JPT1: variants seen among roughly 807,000 people sequenced by gnomAD.
JPT1 encodes the protein Jupiter microtubule associated homolog 1.
JPT1 carries 5 observed loss-of-function variants against 17.0 expected under a neutral mutation model. That is an observed-to-expected ratio of 0.29 (90% CI 0.15 to 0.62). JPT1 has a LOEUF of 0.62. Among genes scored for constraint, JPT1 ranks in the 20% least tolerant of loss-of-function variants. The pLI, the probability that JPT1 is intolerant of heterozygous loss-of-function variation, is 0.85. For synonymous variants in JPT1, 71 were observed against 73.6 expected (o/e 0.96, Z 0.18); for missense variants, 158 against 188.1 (o/e 0.84, Z 0.94).
chr17:75,144,094 G>A (rs1360107400), intron 4 of JPT1, among the ~76,000 whole-genome samples: 2 of 152,110 alleles, frequency 1.3e-5, no homozygotes, highest in African/African-American at 2.4e-5. Flanking sequence ...ACAGGAAGGT[G>A]CAACAACTCA....
rs561359756 is a variant in JPT1 at position 75,154,472 on chromosome 17, T to C, written c.-75A>G. 2.8e-5 allele frequency: 39 copies of C among 1,394,088 alleles called. No individual in the cohort carries two copies. The African/African-American group carries it at 4.4e-4, about 16-fold the overall frequency. The allele number at this position is 1,394,088 out of a possible 1,614,324, so 86.4% of individuals were successfully genotyped here. On this transcript the variant is annotated 5_prime_UTR_variant, in exon 1 of 5. Coordinates refer to ENST00000409753, the MANE Select transcript of JPT1 (RefSeq NM_016185.4). ...TCGGACCCGAGGGGCGCTGGGAAACTCCACACCCAACAGCCGACCACCGCT... is the reference window on the plus strand; with the variant it reads ...TCGGACCCGAGGGGCGCTGGGAAACCCCACACCCAACAGCCGACCACCGCT...
At chr17:75,144,563 A>C (rs1264388309) in intron 4 of JPT1, among the ~76,000 whole-genome samples, 1 of 152,158 alleles carries the variant, frequency 6.6e-6, no homozygotes, top group Non-Finnish European at 1.5e-5. Context: ...CTGTAAACAT[A>C]AGTGTTTCCC....
chr17:75,147,723 G>T (rs1210971507), intron 2 of JPT1, 70 bp from the exon 3 acceptor site: 4 of 1,248,750 alleles, frequency 3.2e-6, no homozygotes, highest in Admixed American at 3.5e-5. Flanking sequence ...TTCAGGCTGG[G>T]CACGGTGGCT....
At chr17:75,147,999 C>CT (rs2074474382) in intron 2 of JPT1, 1 of 243,302 alleles carries the variant, frequency 4.1e-6, no homozygotes, top group South Asian at 8.1e-5. Context: ...GAATGAGACT[C>CT]TTATCTCAAA....
intron 4 of JPT1, chr17:75,138,496 C>T (rs1279124278): frequency 6.6e-6 from 1 of 151,812 alleles, no homozygotes; most frequent in African/African-American, 2.4e-5. Flanking sequence ...ACAACCTCCG[C>T]CTCCCAGGCT....
At chr17:75,153,166 T>C (rs2074580201) in intron 1 of JPT1, 1 of 152,120 alleles carries the variant, frequency 6.6e-6, no homozygotes, top group African/African-American at 2.4e-5. Flanking sequence ...AAAAAAGTGA[T>C]TTAAGCTTCT....
intron 4 of JPT1, 180 bp downstream of exon 4, chr17:75,146,486 T>C: frequency 1.9e-6 from 1 of 521,336 alleles, no homozygotes; most frequent in Non-Finnish European, 3.5e-6. Flanking sequence ...CTCTGTTTTT[T>C]CCCTTCTATT....
intron 4 of JPT1, among the ~76,000 whole-genome samples, chr17:75,144,463 G>A (rs1227321648): frequency 6.6e-6 from 1 of 152,124 alleles, no homozygotes; most frequent in African/African-American, 2.4e-5. Context: ...AGTGAGCTGT[G>A]AGGGTGACAC....
intron 4 of JPT1, among the ~76,000 whole-genome samples, chr17:75,146,088 G>A (rs1332237779): frequency 1.3e-5 from 2 of 151,870 alleles, no homozygotes; most frequent in African/African-American, 4.8e-5. Flanking sequence ...AAAAAAAAAA[G>A]CTCTCATTAA....
Position 75,149,338 on chromosome 17 carries a change from G to C in JPT1, c.57-667C>G, listed in dbSNP as rs532992204. ...CCGCTGAACTCCAGCCTGTGTGACA[G>C]AGCAAGACTCTGTCTCAAAATGTAA... is the stretch of plus-strand genomic sequence containing the variant. On this transcript the variant is annotated intron_variant, in intron 1 of 4. Transcript: ENST00000409753. Among the ~76,000 whole-genome samples the C allele has an allele frequency of 2.6e-5, 4 of 152,300 alleles. No homozygotes were observed. In the South Asian group the frequency reaches 8.3e-4, roughly 32 times the overall value.
chr17:75,154,475 A>G lies in JPT1; in HGVS notation c.-78T>C, dbSNP rs1244828524. On this transcript the variant is annotated 5_prime_UTR_variant, in exon 1 of 5. Transcript: ENST00000409753. ...GACCCGAGGGGCGCTGGGAAACTCC[A>G]CACCCAACAGCCGACCACCGCTGCA... is the stretch of plus-strand genomic sequence containing the variant. 7 of 1,365,324 alleles carry G rather than the reference A, an allele frequency of 5.1e-6. No individual in the cohort carries two copies. The highest frequency in any genetic ancestry group is 2.1e-5 in the Admixed American group (1 of 48,132). 84.6% of individuals were successfully genotyped at this position (1,365,324 alleles called of 1,614,324 possible).
At chr17:75,147,709 A>C in intron 2 of JPT1, 56 bp from the exon 3 acceptor site, 2 of 1,416,634 alleles carry the variant, frequency 1.4e-6, no homozygotes, top group Non-Finnish European at 2.0e-6. Context: ...CTAAAGCAAA[A>C]CACTTCAGGC....
intron 1 of JPT1, chr17:75,149,055 C>A: frequency 7.8e-7 from 1 of 1,279,794 alleles, no homozygotes; most frequent in South Asian, 1.3e-5. Context: ...TGTTATTATT[C>A]ATTTAAAAAT....
chr17:75,147,084 T>C (rs1375297717), intron 3 of JPT1, among the ~76,000 whole-genome samples: 3 of 152,058 alleles, frequency 2.0e-5, no homozygotes, highest in Non-Finnish European at 4.4e-5. Flanking sequence ...TCCAGTTCTC[T>C]CCCCACTCAG....
intron 4 of JPT1, chr17:75,145,552 T>C (rs2074411150): frequency 6.6e-6 from 1 of 152,178 alleles, no homozygotes; most frequent in Non-Finnish European, 1.5e-5. Flanking sequence ...ATTTACAAAA[T>C]CACCAAGCAG....
At chr17:75,146,595 T>A in intron 4 of JPT1, 71 bp downstream of exon 4, 1 of 1,199,924 alleles carries the variant, frequency 8.3e-7, no homozygotes. Flanking sequence ...CAAGACATGA[T>A]TTAAATCAAG....
chr17:75,147,413 T>A (rs778385592), intron 3 of JPT1, 143 bp downstream of exon 3: 5 of 596,990 alleles, frequency 8.4e-6, no homozygotes, highest in African/African-American at 1.8e-5. Context: ...GATTTTACTA[T>A]CAATCTTCCA....
chr17:75,154,343 G>C lies in JPT1; in HGVS notation c.55C>G (p.Arg19Gly). ...GVDPNSRNSS[R>G]VLRPPGGGSN... is the part of the protein sequence containing the mutation. ...TCGGGCGCGACCCGGTCGCCTCACC[G>C]GGAGCTATTCCTGCTGTTGGGGTCG... The change falls in exon 1 of 5, where the codon CGA (arginine) becomes GGA (glycine). Residue 19 changes from arginine to glycine, a missense_variant and splice_region_variant. Arg to Gly is a moderately radical substitution (Grantham distance 125, BLOSUM62 -2). Coordinates refer to ENST00000409753, the MANE Select transcript of JPT1 (RefSeq NM_016185.4). 3 of 1,545,210 alleles carry C rather than the reference G, an allele frequency of 1.9e-6. No homozygotes were observed. Among genetic ancestry groups the C allele is most frequent in the Non-Finnish European group, 2.6e-6 (3 of 1,144,848 alleles).
At chr17:75,146,484 T>C (rs1014107407) in intron 4 of JPT1, 182 bp downstream of exon 4, 6 of 519,398 alleles carry the variant, frequency 1.2e-5, no homozygotes, top group African/African-American at 2.0e-5. Context: ...TTCTCTGTTT[T>C]TTCCCTTCTA....
Sources: gnomAD v4.1 joint callset for allele counts (sites outside exome capture counted in the v4.1 genomes callset) on GRCh38, gnomAD v4.1.1 for gene constraint, MANE v1.5 for transcripts, NCBI Gene and HGNC (gene_info 2026-07-23, HGNC 2026-07-21) for gene names.